HYLS1: variants seen among roughly 807,000 people sequenced by gnomAD.
HYLS1 encodes the protein centriolar and ciliogenesis-associated protein HYLS1.
Under a neutral mutation model 29.4 loss-of-function variants are expected in HYLS1, and 25 were observed. The observed-to-expected ratio is 0.85, with a 90% CI of 0.62 to 1.19. HYLS1 has a LOEUF of 1.19. HYLS1 is among the 50% of genes most tolerant of loss of function. The pLI, the probability that HYLS1 is intolerant of heterozygous loss-of-function variation, is 0.00. For missense variants in HYLS1, 352 were observed against 365.1 expected (o/e 0.96, Z 0.29); for synonymous variants, 128 against 126.7 (o/e 1.01, Z -0.07).
Position 125,899,550 on chromosome 11 carries a change from G to T in HYLS1, c.182G>T (p.Arg61Leu). The change falls in exon 3 of 3, where the codon CGA becomes CTA. Residue 61 changes from arginine to leucine, a missense_variant. Transcript: ENST00000425380. ...AAAGCTTCAGTAGCCCCAGGGAAGC[G>T]ACCTGCTCTTCCTGTGCAACTACAG... ...YSKASVAPGKRPALPVQLQYP... is the reference protein window; with the variant it reads ...YSKASVAPGKLPALPVQLQYP... 2 of 1,614,138 alleles carry T rather than the reference G, an allele frequency of 1.2e-6. No individual in the cohort carries two copies. Among genetic ancestry groups the T allele is most frequent in the South Asian group, 1.1e-5 (1 of 91,068 alleles).
intron 2 of HYLS1, chr11:125,895,837 CAG>C (rs1391059947): frequency 6.3e-7 from 1 of 1,581,692 alleles, no homozygotes; most frequent in African/African-American, 1.3e-5. Flanking sequence ...CAAATAATCT[CAG>C]TACTCAGTGT....
chr11:125,897,262 T>C (rs1006485338), intron 2 of HYLS1, among the ~76,000 whole-genome samples: 1 of 152,112 alleles, frequency 6.6e-6, no homozygotes, highest in Non-Finnish European at 1.5e-5. Context: ...AAAGTTTAAA[T>C]TGTAAAAAAT....
At chr11:125,884,370 G>A (rs1002437319), upstream of HYLS1, among the ~76,000 whole-genome samples, 1 of 152,092 alleles carries the variant, frequency 6.6e-6, no homozygotes, top group Non-Finnish European at 1.5e-5. Flanking sequence ...AGCACTTTGG[G>A]AGGCCGAGGT....
In HYLS1 at chr11:125,899,427, T is replaced by C; in HGVS notation, c.59T>C (p.Met20Thr). ...IWANMDPEER[M>T]LAAATAFTHI... ...GCTAATATGGATCCAGAAGAACGAATGTTGGCAGCTGCTACAGCTTTTACC... is the reference window on the plus strand; with the variant it reads ...GCTAATATGGATCCAGAAGAACGAACGTTGGCAGCTGCTACAGCTTTTACC... Residue 20 changes from methionine (M) to threonine (T), a missense_variant, in exon 3 of 3, where the codon ATG (methionine) becomes ACG (threonine). Met to Thr is a moderately conservative substitution (Grantham distance 81). Coordinates refer to ENST00000425380, the MANE Select transcript of HYLS1 (RefSeq NM_001134793.2). 1 of 1,614,204 alleles carries C rather than the reference T, an allele frequency of 6.2e-7. No homozygotes were observed. Among genetic ancestry groups the C allele is most frequent in the South Asian group, 1.1e-5 (1 of 91,084 alleles).
At chr11:125,884,306 G>A (rs1944271313), upstream of HYLS1, among the ~76,000 whole-genome samples, 1 of 152,170 alleles carries the variant, frequency 6.6e-6, no homozygotes, top group Non-Finnish European at 1.5e-5. Context: ...AACTACTTTA[G>A]GTGTGATAAT....
chr11:125,886,394 A>C (rs1469558398), upstream of HYLS1, among the ~76,000 whole-genome samples: 1 of 152,196 alleles, frequency 6.6e-6, no homozygotes, highest in Non-Finnish European at 1.5e-5. Flanking sequence ...CCTGGATTTA[A>C]GAAATGGTGT....
chr11:125,891,888 G>T (rs1944417832), intron 2 of HYLS1, among the ~76,000 whole-genome samples: 1 of 152,096 alleles, frequency 6.6e-6, no homozygotes, highest in East Asian at 1.9e-4. Flanking sequence ...GTCTATTTCT[G>T]TGGTCCACCC....
intron 2 of HYLS1, chr11:125,896,281 C>T (rs768861384): frequency 6.2e-7 from 1 of 1,603,704 alleles, no homozygotes; most frequent in South Asian, 1.1e-5. Context: ...TCATTATAAG[C>T]CATGATATGA....
At position 125,899,903 on chromosome 11, in the gene HYLS1, T is replaced by G; in HGVS notation, c.535T>G (p.Ser179Ala). The G allele has an allele frequency of 6.2e-7, 1 of 1,614,170 alleles. No individual in the cohort carries two copies. Among genetic ancestry groups the G allele is most frequent in the Middle Eastern group, 1.6e-4 (1 of 6,062 alleles). Residue 179 changes from serine (S) to alanine (A), a missense_variant, in exon 3 of 3, where the codon TCT becomes GCT. Physicochemically the swap from Ser to Ala is moderately conservative, Grantham distance 99. Transcript: ENST00000425380. ...CTCTCTACAAAGAGAAGGAATGGGCTCTCCAGCTTACGAACAAGACCTGAT... is the reference window on the plus strand; with the variant it reads ...CTCTCTACAAAGAGAAGGAATGGGCGCTCCAGCTTACGAACAAGACCTGAT... ...ICSLQREGMG[S>A]PAYEQDLIVA...
intron 2 of HYLS1, among the ~76,000 whole-genome samples, chr11:125,892,240 A>T (rs1289506647): frequency 2.0e-5 from 3 of 152,218 alleles, no homozygotes; most frequent in Non-Finnish European, 4.4e-5. Context: ...AAGCCTTCAA[A>T]TGTAAGTTTG....
chr11:125,896,793 C>A (rs1944604355), intron 2 of HYLS1, among the ~76,000 whole-genome samples: 1 of 152,056 alleles, frequency 6.6e-6, no homozygotes, highest in South Asian at 2.1e-4. Flanking sequence ...TTGTATGCTC[C>A]ATCATCTAAT....
At chr11:125,894,449 CA>C (rs1040971664) in intron 2 of HYLS1, among the ~76,000 whole-genome samples, 5 of 152,180 alleles carry the variant, frequency 3.3e-5, no homozygotes, top group African/African-American at 1.2e-4. Context: ...TAACCTTGAA[CA>C]CCTTTATTAC....
At chr11:125,898,077 A>G (rs561252149) in intron 2 of HYLS1, among the ~76,000 whole-genome samples, 1 of 152,320 alleles carries the variant, frequency 6.6e-6, no homozygotes, top group South Asian at 2.1e-4. Flanking sequence ...AGAGTTGTGT[A>G]GTGTTGTCCT....
At chr11:125,895,095 G>A (rs994390499) in intron 2 of HYLS1, 36 of 597,740 alleles carry the variant, frequency 6.0e-5, no homozygotes, top group Non-Finnish European at 1.0e-4. Flanking sequence ...CACCCATGCT[G>A]GAATGCAGTG....
At chr11:125,895,079 C>T (rs1944536694) in intron 2 of HYLS1, 2 of 528,834 alleles carry the variant, frequency 3.8e-6, no homozygotes, top group Admixed American at 7.4e-5. Flanking sequence ...GACAGTCTCC[C>T]TCTGTCACCC....
At chr11:125,888,586 CG>C (rs1449828917) in intron 1 of HYLS1, among the ~76,000 whole-genome samples, 1 of 151,614 alleles carries the variant, frequency 6.6e-6, no homozygotes, top group Non-Finnish European at 1.5e-5. Flanking sequence ...CCGACCAATA[CG>C]GTGAAACCCC....
intron 2 of HYLS1, among the ~76,000 whole-genome samples, chr11:125,894,538 C>T (rs1210665997): frequency 2.0e-5 from 3 of 152,264 alleles, no homozygotes; most frequent in African/African-American, 7.2e-5. Context: ...GACATGGCTC[C>T]ATCATACTGC....
chr11:125,894,072 C>T (rs931337155), intron 2 of HYLS1: 2 of 1,614,074 alleles, frequency 1.2e-6, no homozygotes, highest in African/African-American at 2.7e-5. Flanking sequence ...TTTCCCCATT[C>T]TGTCATTCCA....
chr11:125,895,339 G>A, intron 2 of HYLS1: 2 of 1,614,184 alleles, frequency 1.2e-6, no homozygotes, highest in South Asian at 1.1e-5. Flanking sequence ...CGGACTTGAT[G>A]ATAAAGGAAT....
Sources: allele counts gnomAD v4.1 joint callset (sites outside exome capture counted in the v4.1 genomes callset), GRCh38; gene constraint gnomAD v4.1.1; transcripts MANE v1.5; gene names NCBI Gene and HGNC (gene_info 2026-07-23, HGNC 2026-07-21).